CSMD1: variants seen among roughly 807,000 people sequenced by gnomAD.
CSMD1 encodes the protein CUB and Sushi multiple domains 1, also known as CUB and sushi domain-containing protein 1.
Under a neutral mutation model 417.5 loss-of-function variants are expected in CSMD1, and 213 were observed. That is an observed-to-expected ratio of 0.51 (90% CI 0.46 to 0.57). The LOEUF (loss-of-function observed/expected upper bound fraction) is 0.57, where lower values mean the gene tolerates loss of function less well. Ranked by LOEUF, CSMD1 falls within the 20% of genes least tolerant of loss-of-function variation. The probability of loss-of-function intolerance (pLI) is 0.00; values close to 1 mark genes in which losing one functional copy is unlikely to be tolerated. For missense variants in CSMD1, 6,923 were observed against 4,529.7 expected (o/e 1.53, Z -15.17); for synonymous variants, 2,862 against 1,736.8 (o/e 1.65, Z -16.11).
intron 2 of CSMD1, among the ~76,000 whole-genome samples, chr8:4,487,663 A>AT (rs1371387743): frequency 3.9e-5 from 6 of 152,188 alleles, no homozygotes; most frequent in African/African-American, 1.4e-4. Flanking sequence ...CAAAAAAAGG[A>AT]TTTTTCTGTA....
intron 3 of CSMD1, among the ~76,000 whole-genome samples, chr8:4,191,038 C>G (rs1230667807): frequency 6.6e-6 from 1 of 152,030 alleles, no homozygotes; most frequent in Non-Finnish European, 1.5e-5. Context: ...GCAACAAACC[C>G]CCATGACACC....
At chr8:3,755,183 A>G (rs1381907242) in intron 5 of CSMD1, among the ~76,000 whole-genome samples, 1 of 152,176 alleles carries the variant, frequency 6.6e-6, no homozygotes, top group South Asian at 2.1e-4. Context: ...TTTCAGTGGC[A>G]TAAGCATCAC....
intron 3 of CSMD1, among the ~76,000 whole-genome samples, chr8:4,332,833 G>A (rs117186784): frequency 0.092 from 13,812 of 150,792 alleles, 790 homozygotes; most frequent in Admixed American, 0.14. Context: ...ACTTTATTTA[G>A]CTGATGAAAT....
intron 5 of CSMD1, among the ~76,000 whole-genome samples, chr8:3,874,853 T>C (rs1277248089): frequency 1.3e-5 from 2 of 152,070 alleles, no homozygotes; most frequent in Admixed American, 6.5e-5. Flanking sequence ...ATAAACCCAT[T>C]AAGAAAACGG....
intron 3 of CSMD1, among the ~76,000 whole-genome samples, chr8:4,094,465 G>C (rs532021433): frequency 6.6e-6 from 1 of 152,264 alleles, no homozygotes; most frequent in South Asian, 2.1e-4. Flanking sequence ...GGGAGGAATC[G>C]AAGATGATGC....
chr8:4,697,221 T>G (rs1807192256), intron 1 of CSMD1, among the ~76,000 whole-genome samples: 1 of 152,080 alleles, frequency 6.6e-6, no homozygotes, highest in Non-Finnish European at 1.5e-5. Context: ...ATTCTACTTA[T>G]TTTTGATTCT....
intron 5 of CSMD1, among the ~76,000 whole-genome samples, chr8:3,876,271 T>C (rs1010624070): frequency 1.3e-5 from 2 of 152,196 alleles, no homozygotes; most frequent in Non-Finnish European, 2.9e-5. Flanking sequence ...CGTGTTGTTT[T>C]ATTTACCTTA....
intron 49 of CSMD1, among the ~76,000 whole-genome samples, chr8:3,066,262 A>C (rs778393679): frequency 1.3e-5 from 2 of 152,326 alleles, no homozygotes; most frequent in Non-Finnish European, 2.9e-5. Context: ...AAACTCCAGT[A>C]ATTATTTAAA....
intron 49 of CSMD1, among the ~76,000 whole-genome samples, chr8:3,066,434 C>A (rs757535421): frequency 6.6e-6 from 1 of 152,152 alleles, no homozygotes; most frequent in African/African-American, 2.4e-5. Context: ...TTTTCCATTA[C>A]GCATTTGAAC....
At chr8:3,401,108 A>C (rs570102690) in intron 15 of CSMD1, among the ~76,000 whole-genome samples, 15 of 151,850 alleles carry the variant, frequency 9.9e-5, no homozygotes, top group African/African-American at 1.4e-4. Context: ...TATGAATACA[A>C]CATAAGCAAA....
chr8:4,273,847 T>C (rs1172571847), intron 3 of CSMD1, among the ~76,000 whole-genome samples: 2 of 152,138 alleles, frequency 1.3e-5, no homozygotes, highest in African/African-American at 4.8e-5. Flanking sequence ...GAAGGTGAAA[T>C]GATATAACAT....
chr8:4,147,468 C>T (rs532896980), intron 3 of CSMD1, among the ~76,000 whole-genome samples: 3 of 152,276 alleles, frequency 2.0e-5, no homozygotes, highest in South Asian at 2.1e-4. Flanking sequence ...TTTCAATACC[C>T]TACATGATTG....
At chr8:4,743,009 G>T (rs929726517) in intron 1 of CSMD1, among the ~76,000 whole-genome samples, 1 of 152,130 alleles carries the variant, frequency 6.6e-6, no homozygotes, top group Non-Finnish European at 1.5e-5. Flanking sequence ...GCTTCACTGT[G>T]TTTGGAGAAT....
At chr8:3,520,542 A>AATCCC (rs1797464596) in intron 10 of CSMD1, among the ~76,000 whole-genome samples, 1 of 152,188 alleles carries the variant, frequency 6.6e-6, no homozygotes, top group African/African-American at 2.4e-5. Context: ...TTGGTTGTCA[A>AATCCC]ATCCCATCAT....
At chr8:4,322,770 G>A (rs10113290) in intron 3 of CSMD1, among the ~76,000 whole-genome samples, 26,631 of 152,124 alleles carry the variant, frequency 0.18, 2,917 homozygotes, top group South Asian at 0.36. Flanking sequence ...AGAGGTAGGC[G>A]GATCACTTGA....
At chr8:4,802,232 G>C (rs1340082087) in intron 1 of CSMD1, among the ~76,000 whole-genome samples, 1 of 152,162 alleles carries the variant, frequency 6.6e-6, no homozygotes, top group Non-Finnish European at 1.5e-5. Context: ...GCTTAAACTA[G>C]TAGTGTTTGC....
intron 26 of CSMD1, among the ~76,000 whole-genome samples, chr8:3,232,041 A>G (rs1798871658): frequency 6.6e-6 from 1 of 152,246 alleles, no homozygotes; most frequent in South Asian, 2.1e-4. Context: ...AATGAGAACA[A>G]TGAAATGAAC....
intron 21 of CSMD1, among the ~76,000 whole-genome samples, chr8:3,349,987 T>G (rs1281126041): frequency 6.8e-6 from 1 of 146,688 alleles, no homozygotes; most frequent in Non-Finnish European, 1.5e-5. Context: ...CTATAATTAC[T>G]TGTGTATGTG....
chr8:3,753,894 G>GTTTTTTTTTTTTTT, intron 6 of CSMD1, 36 bp downstream of exon 6: 1 of 1,120,688 alleles, frequency 8.9e-7, no homozygotes. Flanking sequence ...ATTACGCTCT[G>GTTTTTTTTTTTTTT]TTTTTTTTTT....
Sources: gnomAD v4.1 joint callset for allele counts (sites outside exome capture counted in the v4.1 genomes callset) on GRCh38, gnomAD v4.1.1 for gene constraint, MANE v1.5 for transcripts, NCBI Gene and HGNC (gene_info 2026-07-23, HGNC 2026-07-21) for gene names.